Variants in SGK3 observed in about 807,000 individuals in gnomAD.
SGK3 encodes serine/threonine-protein kinase Sgk3.
Under a neutral mutation model 68.5 loss-of-function variants are expected in SGK3, and 47 were observed. That is an observed-to-expected ratio of 0.69 (90% CI 0.54 to 0.87). The LOEUF (loss-of-function observed/expected upper bound fraction) is 0.87, where lower values mean the gene tolerates loss of function less well. Among genes scored for constraint, SGK3 ranks in the 40% least tolerant of loss-of-function variants. The pLI, the probability that SGK3 is intolerant of heterozygous loss-of-function variation, is 0.00. For missense variants in SGK3, 479 were observed against 575.5 expected (o/e 0.83, Z 1.72); for synonymous variants, 181 against 189.1 (o/e 0.96, Z 0.35).
chr8:66,750,013 A>T (rs181930413), intron 1 of SGK3, among the ~76,000 whole-genome samples: 9 of 151,480 alleles, frequency 5.9e-5, no homozygotes. Flanking sequence ...TTACCTTCAG[A>T]TTTCTTGGGT....
chr8:66,829,325 A>T (rs1251140812), intron 7 of SGK3, among the ~76,000 whole-genome samples: 1 of 151,382 alleles, frequency 6.6e-6, no homozygotes. Context: ...GTGTTTTTTT[A>T]TTCTAGGCTT....
At chr8:66,776,198 A>G (rs1221783534) in intron 1 of SGK3, among the ~76,000 whole-genome samples, 3 of 152,160 alleles carry the variant, frequency 2.0e-5, no homozygotes. Flanking sequence ...TTCTTTCACT[A>G]GGGGTGTTAC....
intron 1 of SGK3, among the ~76,000 whole-genome samples, chr8:66,769,521 G>C (rs1201341447): frequency 7.9e-5 from 12 of 152,190 alleles, no homozygotes; most frequent in Admixed American, 7.9e-4. Flanking sequence ...ACCGCACCCG[G>C]CCTTAATTCT....
chr8:66,852,764 A>T (rs1810347374), intron 16 of SGK3, among the ~76,000 whole-genome samples: 1 of 152,244 alleles, frequency 6.6e-6, no homozygotes, highest in South Asian at 2.1e-4. Flanking sequence ...TAGTGCATCC[A>T]GGAATGACTC....
intron 1 of SGK3, among the ~76,000 whole-genome samples, chr8:66,742,056 A>G (rs1242788103): frequency 6.6e-6 from 1 of 152,240 alleles, no homozygotes; most frequent in Non-Finnish European, 1.5e-5. Flanking sequence ...TCAAAGGAAC[A>G]TCAAGTACAA....
intron 1 of SGK3, among the ~76,000 whole-genome samples, chr8:66,759,541 C>G (rs748836682): frequency 6.6e-6 from 1 of 152,020 alleles, no homozygotes; most frequent in South Asian, 2.1e-4. Context: ...AAGCAATTCT[C>G]CTGCCTCAGC....
Position 66,760,339 on chromosome 8 carries a change from T to C in SGK3, c.-121-33277T>C, listed in dbSNP as rs942729735. Among the ~76,000 whole-genome samples, 14 of 144,602 alleles carry C rather than the reference T, an allele frequency of 9.7e-5. 1 individual carries two copies. The highest frequency in any genetic ancestry group is 2.1e-4 in the Non-Finnish European group (14 of 65,564). 94.9% of individuals were successfully genotyped at this position (144,602 alleles called of 152,430 possible). A position where few individuals can be genotyped will look rare whatever the true frequency, so the allele number is the denominator to read the frequency against. On this transcript the variant is annotated intron_variant, in intron 1 of 16. Transcript: ENST00000521198. ...GTTCATTTTCTTTTTTCTTTTTTTT[T>C]TTTTTTTTTTTTTGAGACGGAGTCT...
chr8:66,716,419 A>G (rs1804633213), intron 1 of SGK3, among the ~76,000 whole-genome samples: 1 of 152,176 alleles, frequency 6.6e-6, no homozygotes, highest in Non-Finnish European at 1.5e-5. Flanking sequence ...AAAGGGAATT[A>G]GGGCAGTGTG....
At chr8:66,742,120 A>C (rs1339034366) in intron 1 of SGK3, among the ~76,000 whole-genome samples, 1 of 152,242 alleles carries the variant, frequency 6.6e-6, no homozygotes, top group African/African-American at 2.4e-5. Flanking sequence ...AAAGTTTCTT[A>C]AGGCTGAATC....
intron 1 of SGK3, among the ~76,000 whole-genome samples, chr8:66,785,727 G>A (rs1189974852): frequency 6.6e-6 from 1 of 152,212 alleles, no homozygotes; most frequent in Non-Finnish European, 1.5e-5. Context: ...GCCTTGAAAA[G>A]TGTTGCCGTC....
intron 1 of SGK3, among the ~76,000 whole-genome samples, chr8:66,774,968 C>T (rs1320314910): frequency 6.6e-6 from 1 of 152,242 alleles, no homozygotes; most frequent in African/African-American, 2.4e-5. Context: ...CTCTCTTCAC[C>T]TTCCCCGCGG....
In SGK3 at chr8:66,824,089, A is replaced by C. The variant is rs150485421; in HGVS notation, c.417+1630A>C. On this transcript the variant is annotated intron_variant, in intron 6 of 16. Coordinates refer to ENST00000521198, the MANE Select transcript of SGK3 (RefSeq NM_001033578.3). ...CATATTCCTTTTTTGTGACTACTGG[A>C]AAGTAGTAATTTTCCTTCTCCAATA... 3.1e-3 allele frequency among the ~76,000 whole-genome samples: 476 copies of C among 152,260 alleles called. 3 individuals carry two copies. Among genetic ancestry groups the C allele is most frequent in the Middle Eastern group, 0.01 (3 of 294 alleles).
intron 1 of SGK3, among the ~76,000 whole-genome samples, chr8:66,773,878 G>T (rs1004201055): frequency 6.6e-6 from 1 of 152,082 alleles, no homozygotes; most frequent in African/African-American, 2.4e-5. Flanking sequence ...CAGACTGTTG[G>T]TCAAAAAAAG....
intron 1 of SGK3, among the ~76,000 whole-genome samples, chr8:66,734,908 G>T (rs545640887): frequency 6.8e-6 from 1 of 147,710 alleles, no homozygotes; most frequent in Admixed American, 6.8e-5. Flanking sequence ...GACTGTCATT[G>T]CACTCCAGCC....
chr8:66,813,794 TTGA>T (rs1808473955), intron 4 of SGK3, 56 bp from the exon 5 acceptor site: 10 of 1,415,706 alleles, frequency 7.1e-6, no homozygotes, highest in African/African-American at 4.4e-5. Flanking sequence ...TATATAACTG[TTGA>T]TGATAATTGC....
At chr8:66,736,958 A>G (rs901604599) in intron 1 of SGK3, among the ~76,000 whole-genome samples, 24 of 151,020 alleles carry the variant, frequency 1.6e-4, no homozygotes, top group African/African-American at 5.7e-4. Context: ...AAAAATATTT[A>G]GTAGAGAAGA....
chr8:66,768,059 C>T (rs1388162337), intron 1 of SGK3: 3 of 578,180 alleles, frequency 5.2e-6, no homozygotes, highest in Non-Finnish European at 9.6e-6. Flanking sequence ...TAATTTATTA[C>T]AGTCTATCTT....
chr8:66,745,515 A>C (rs934654079), intron 1 of SGK3, among the ~76,000 whole-genome samples: 1 of 152,146 alleles, frequency 6.6e-6, no homozygotes, highest in Admixed American at 6.6e-5. Context: ...AGGAGCTTGT[A>C]GTGAGCCGAG....
intron 15 of SGK3, among the ~76,000 whole-genome samples, chr8:66,849,834 C>T (rs1810193167): frequency 6.6e-6 from 1 of 152,130 alleles, no homozygotes; most frequent in South Asian, 2.1e-4. Context: ...CCACTTCGGA[C>T]TCCCAAAGTG....
Sources: allele counts gnomAD v4.1 joint callset (sites outside exome capture counted in the v4.1 genomes callset), GRCh38; gene constraint gnomAD v4.1.1; transcripts MANE v1.5; gene names NCBI Gene and HGNC (gene_info 2026-07-23, HGNC 2026-07-21).